Variants in TTF2 observed in about 807,000 individuals in gnomAD.
The protein encoded by TTF2 is transcription termination factor 2.
Under a neutral mutation model 142.4 loss-of-function variants are expected in TTF2, and 108 were observed. The ratio of observed to expected loss-of-function variants is 0.76; its 90% CI spans 0.65 to 0.89. The LOEUF is 0.89. TTF2 is among the 40% of genes least tolerant of loss of function. The pLI, the probability that TTF2 is intolerant of heterozygous loss-of-function variation, is 0.00. For synonymous variants in TTF2, 483 were observed against 506.2 expected (o/e 0.95, Z 0.61); for missense variants, 1,327 against 1,379.8 (o/e 0.96, Z 0.61).
chr1:117,067,390 C>T (rs976444681), intron 3 of TTF2, among the ~76,000 whole-genome samples: 100 of 151,980 alleles, frequency 6.6e-4, no homozygotes, highest in African/African-American at 2.0e-3. Flanking sequence ...AATAGCCGGG[C>T]ATGGTGGCGT....
At chr1:117,068,218 C>T (rs570330380) in intron 3 of TTF2, among the ~76,000 whole-genome samples, 12 of 152,290 alleles carry the variant, frequency 7.9e-5, no homozygotes, top group African/African-American at 2.9e-4. Context: ...TATTTCTTTG[C>T]TTAGACGTGG....
chr1:117,060,491 G>T lies in TTF2; in HGVS notation c.65G>T (p.Gly22Val). ...TTTCTTAAGACCGGCGTCCGCGATG[G>T]CCCGAATAAAGGAAAGAGCTTCTAC... ...FCFLKTGVRDGPNKGKSFYVC... is the reference protein window; with the variant it reads ...FCFLKTGVRDVPNKGKSFYVC... Residue 22 changes from glycine to valine, a missense_variant, in exon 2 of 23, where the codon GGC becomes GTC. By Grantham distance (109) the Gly-to-Val change is moderately radical. Transcript: ENST00000369466. The T allele has an allele frequency of 6.2e-7, 1 of 1,614,026 alleles. No homozygotes were observed. The highest frequency in any genetic ancestry group is 1.1e-5 in the South Asian group (1 of 91,070).
At position 117,103,516 on chromosome 1, in the gene TTF2, G is replaced by A. The variant is rs1218917555; in HGVS notation, c.*1992G>A. ...AGTCAGAGTGTGGACTGAGGCATTC[G>A]GAGCCTATTTAAGCAGAAGTTTTCT... On this transcript the variant is annotated 3_prime_UTR_variant, in exon 23 of 23. Transcript: ENST00000369466. 2 of 152,058 alleles carry A rather than the reference G, an allele frequency of 1.3e-5. No individual in the cohort carries two copies. The highest frequency in any genetic ancestry group is 2.9e-5 in the Non-Finnish European group (2 of 68,020). The allele number at this position is 152,058 out of a possible 1,614,324, so 9.4% of individuals were successfully genotyped here.
rs1011588671 is a variant in TTF2 at position 117,079,487 on chromosome 1, A to G, written c.1702-81A>G. Reference sequence around the variant, plus strand: ...GGGAATCATTTGTAGAAAATAGGAGAGTGTAGAGTTCGTGTAGCCAGGCTC... The same window carrying G: ...GGGAATCATTTGTAGAAAATAGGAGGGTGTAGAGTTCGTGTAGCCAGGCTC... On this transcript the variant is annotated intron_variant, in intron 8 of 22. Transcript: ENST00000369466. This position sits in a 1 kb window ranked among gnomAD's most constrained non-coding sequence, Gnocchi z 4.2. 14 of 1,256,886 alleles carry G rather than the reference A, an allele frequency of 1.1e-5. No homozygotes were observed. The African/African-American group carries it at 2.1e-4, about 19-fold the overall frequency. 77.9% of individuals were successfully genotyped at this position (1,256,886 alleles called of 1,614,324 possible).
At position 117,101,358 on chromosome 1, in the gene TTF2, AT is replaced by A; in HGVS notation, c.3345-16del. 1 of 1,564,544 alleles carries A rather than the reference AT, an allele frequency of 6.4e-7. No individual in the cohort carries two copies. The highest frequency in any genetic ancestry group is 1.4e-5 in the African/African-American group (1 of 72,500). ...GCTTAGGGTTTTTGATAGTTTGCTT[AT>A]TTTTTGTTTTTGTTTTTTAGATTTG... is the stretch of plus-strand genomic sequence containing the variant. On this transcript the variant is annotated intron_variant, in intron 22 of 22. Coordinates refer to ENST00000369466, the MANE Select transcript of TTF2 (RefSeq NM_003594.4). The surrounding 1 kb of genome is among the most constrained non-coding windows in gnomAD (Gnocchi z 5.9).
At position 117,086,390 on chromosome 1, in the gene TTF2, A is replaced by G; in HGVS notation, c.2055-27A>G. 2 of 1,544,070 alleles carry G rather than the reference A, an allele frequency of 1.3e-6. No individual in the cohort carries two copies. Among genetic ancestry groups the G allele is most frequent in the Non-Finnish European group, 1.8e-6 (2 of 1,116,766 alleles). On this transcript the variant is annotated intron_variant, in intron 11 of 22. Transcript: ENST00000369466. This position sits in a 1 kb window ranked among gnomAD's most constrained non-coding sequence, Gnocchi z 4.2. Reference sequence around the variant, plus strand: ...TTGTCCCTCTATAGTGGGACCATTTATTGATTTCTTTGTTATGTCTACGCA... The same window carrying G: ...TTGTCCCTCTATAGTGGGACCATTTGTTGATTTCTTTGTTATGTCTACGCA...
Position 117,106,668 on chromosome 1 carries a change from T to TAAC in TTF2, c.*5146_*5148dup, listed in dbSNP as rs1038707220. On this transcript the variant is annotated 3_prime_UTR_variant, in exon 23 of 23. Coordinates refer to ENST00000369466, the MANE Select transcript of TTF2 (RefSeq NM_003594.4). ...AGGACTGTGCGGCTGGGAGGGCTTA[T>TAAC]AACAGGATTTGACCTAGTTAGGGAA... 2.6e-5 allele frequency: 4 copies of TAAC among 152,262 alleles called. No individual in the cohort carries two copies. The highest frequency in any genetic ancestry group is 9.6e-5 in the African/African-American group (4 of 41,452). 9.4% of individuals were successfully genotyped at this position (152,262 alleles called of 1,614,324 possible).
At position 117,075,825 on chromosome 1, in the gene TTF2, G is replaced by A. The variant is rs753261865; in HGVS notation, c.1241G>A (p.Arg414His). Residue 414 changes from arginine to histidine, a missense_variant, in exon 5 of 23, where the codon CGT becomes CAT. Arg to His is a conservative substitution (Grantham distance 29). Coordinates refer to ENST00000369466, the MANE Select transcript of TTF2 (RefSeq NM_003594.4). This position sits in a 1 kb window ranked among gnomAD's most constrained non-coding sequence, Gnocchi z 4.5. The stretch of plus-strand genomic sequence containing the variant: ...GAACCCTCAGACCCAGTAGCCCGGC[G>A]TGTCTACCTTACAACACAACTGAAA... ...KVEPSDPVAR[R>H]VYLTTQLKQK... 1.1e-4 allele frequency: 171 copies of A among 1,612,640 alleles called. No homozygotes were observed. The highest frequency in any genetic ancestry group is 1.3e-4 in the Non-Finnish European group (152 of 1,179,588).
intron 10 of TTF2, 68 bp from the exon 11 acceptor site, chr1:117,083,950 A>G: frequency 1.3e-6 from 2 of 1,579,310 alleles, no homozygotes; most frequent in Admixed American, 1.7e-5. Flanking sequence ...GTCTCCATAT[A>G]TTAAAAAAGA....
At chr1:117,089,260 C>CTCTATATATATATATATATATATA (rs1553198318) in intron 13 of TTF2, among the ~76,000 whole-genome samples, 2 of 137,468 alleles carry the variant, frequency 1.5e-5, no homozygotes, top group Non-Finnish European at 3.2e-5. Context: ...CAAATATATG[C>CTCTATATATATATATATATATATA]TATATATATA....
Position 117,104,976 on chromosome 1 carries a change from A to G in TTF2, c.*3452A>G, listed in dbSNP as rs1275647331. ...GTCTTTGCACCTTCTAGCGATGGGC[A>G]GCATCCCACAACACAGTGGTCTAAT... On this transcript the variant is annotated 3_prime_UTR_variant, in exon 23 of 23. Coordinates refer to ENST00000369466, the MANE Select transcript of TTF2 (RefSeq NM_003594.4). The G allele has an allele frequency of 6.6e-6, 1 of 152,252 alleles. No individual in the cohort carries two copies. The highest frequency in any genetic ancestry group is 1.5e-5 in the Non-Finnish European group (1 of 68,056). 9.4% of individuals were successfully genotyped at this position (152,252 alleles called of 1,614,324 possible). A position where few individuals can be genotyped will look rare whatever the true frequency, so the allele number is the denominator to read the frequency against.
chr1:117,069,792 G>T (rs184471411), intron 3 of TTF2, among the ~76,000 whole-genome samples: 1 of 152,232 alleles, frequency 6.6e-6, no homozygotes. Context: ...GTGATGTTGA[G>T]TTGGACATTA....
intron 3 of TTF2, among the ~76,000 whole-genome samples, chr1:117,071,958 G>A (rs1341175366): frequency 6.6e-6 from 1 of 152,242 alleles, no homozygotes; most frequent in East Asian, 1.9e-4. Flanking sequence ...TTGCCAAGCA[G>A]GTACGACTTA....
chr1:117,087,753 G>A lies in TTF2; in HGVS notation c.2161-1048G>A, dbSNP rs1202270452. On this transcript the variant is annotated intron_variant, in intron 12 of 22. Coordinates refer to ENST00000369466, the MANE Select transcript of TTF2 (RefSeq NM_003594.4). This position sits in a 1 kb window ranked among gnomAD's most constrained non-coding sequence, Gnocchi z 4.8. ...TGTCTGTTCTCCCTCCGAATGAAAC[G>A]CTTTGCCTCCACTCCTTCTCCCAGG... Among the ~76,000 whole-genome samples, 1 of 152,166 alleles carries A rather than the reference G, an allele frequency of 6.6e-6. No homozygotes were observed. Among genetic ancestry groups the A allele is most frequent in the Non-Finnish European group, 1.5e-5 (1 of 68,030 alleles).
At position 117,080,582 on chromosome 1, in the gene TTF2, A is replaced by AAATTTTCTAAGGTGTTC. The variant is rs1377061629; in HGVS notation, c.1783+941_1783+957dup. ...TCTGCTTTGGGGACTTGTCAGGCTA[A>AAATTTTCTAAGGTGTTC]AATTTTCTAAGGTGTTCAATTTTCA... On this transcript the variant is annotated intron_variant, in intron 9 of 22. Transcript: ENST00000369466. This position sits in a 1 kb window ranked among gnomAD's most constrained non-coding sequence, Gnocchi z 4.3. 6.6e-6 allele frequency among the ~76,000 whole-genome samples: 1 copy of AAATTTTCTAAGGTGTTC among 152,218 alleles called. No homozygotes were observed. The highest frequency in any genetic ancestry group is 1.9e-4 in the East Asian group (1 of 5,198).
Position 117,093,998 on chromosome 1 carries a change from T to C in TTF2, c.2976+1097T>C, listed in dbSNP as rs1355559337. Among the ~76,000 whole-genome samples, 1 of 152,226 alleles carries C rather than the reference T, an allele frequency of 6.6e-6. No individual in the cohort carries two copies. Among genetic ancestry groups the C allele is most frequent in the Non-Finnish European group, 1.5e-5 (1 of 68,032 alleles). Reference sequence around the variant, plus strand: ...TTTTTCATGTGGGAGTCACAGCGCCTTCCACAATCTCAAGTTGCCAAGACA... The same window carrying C: ...TTTTTCATGTGGGAGTCACAGCGCCCTCCACAATCTCAAGTTGCCAAGACA... On this transcript the variant is annotated intron_variant, in intron 18 of 22. Coordinates refer to ENST00000369466, the MANE Select transcript of TTF2 (RefSeq NM_003594.4). The surrounding 1 kb of genome is among the most constrained non-coding windows in gnomAD (Gnocchi z 4.5).
chr1:117,092,278 A>G lies in TTF2; in HGVS notation c.2805+328A>G, dbSNP rs1207759636. Reference sequence around the variant, plus strand: ...TGCTCTGGTACTTCAGAATGTCATAAAGCTAATTTAGTTCTTGGGGTTTTC... The same window carrying G: ...TGCTCTGGTACTTCAGAATGTCATAGAGCTAATTTAGTTCTTGGGGTTTTC... On this transcript the variant is annotated intron_variant, in intron 17 of 22. Coordinates refer to ENST00000369466, the MANE Select transcript of TTF2 (RefSeq NM_003594.4). The surrounding 1 kb of genome is among the most constrained non-coding windows in gnomAD (Gnocchi z 4.4). 6.6e-6 allele frequency among the ~76,000 whole-genome samples: 1 copy of G among 152,186 alleles called. No individual in the cohort carries two copies. Among genetic ancestry groups the G allele is most frequent in the Non-Finnish European group, 1.5e-5 (1 of 68,044 alleles).
At chr1:117,067,507 A>G (rs1274598291) in intron 3 of TTF2, among the ~76,000 whole-genome samples, 1 of 147,800 alleles carries the variant, frequency 6.8e-6, no homozygotes, top group Non-Finnish European at 1.5e-5. Flanking sequence ...CCTGGATGAC[A>G]GAGCAAGACT....
chr1:117,094,850 C>T (rs1015160562), intron 18 of TTF2: 20 of 346,948 alleles, frequency 5.8e-5, no homozygotes, highest in Admixed American at 2.2e-4. Context: ...GGGCAGTGGG[C>T]ACCTAACCTG....
Sources: allele counts gnomAD v4.1 joint callset (sites outside exome capture counted in the v4.1 genomes callset), GRCh38; gene constraint gnomAD v4.1.1; non-coding constraint Gnocchi (gnomAD v3.1); transcripts MANE v1.5; gene names NCBI Gene and HGNC (gene_info 2026-07-23, HGNC 2026-07-21).